ATP8A2: variants seen among roughly 807,000 people sequenced by gnomAD.
ATP8A2 encodes the protein phospholipid-transporting ATPase IB.
In ATP8A2, 100 loss-of-function variants were observed where a neutral mutation model predicts 165.6. The ratio of observed to expected loss-of-function variants is 0.60; its 90% CI spans 0.51 to 0.71. The LOEUF is 0.71. Ranked by LOEUF, ATP8A2 falls within the 30% of genes least tolerant of loss-of-function variation. The probability of loss-of-function intolerance (pLI) is 0.00; values close to 1 mark genes in which losing one functional copy is unlikely to be tolerated. For synonymous variants in ATP8A2, 543 were observed against 548.8 expected (o/e 0.99, Z 0.15); for missense variants, 1,227 against 1,479.5 (o/e 0.83, Z 2.80).
At chr13:26,009,347 C>T (rs776752958) in intron 35 of ATP8A2, among the ~76,000 whole-genome samples, 2 of 152,176 alleles carry the variant, frequency 1.3e-5, no homozygotes, top group African/African-American at 4.8e-5. Flanking sequence ...AGTAAGGCAG[C>T]GTGGGAAAGA....
chr13:25,664,915 ATAT>A (rs1376201077), intron 24 of ATP8A2, among the ~76,000 whole-genome samples: 1 of 149,808 alleles, frequency 6.7e-6, no homozygotes, highest in Non-Finnish European at 1.5e-5. Context: ...ACAAAATGAA[ATAT>A]TGCAAATAGT....
chr13:25,527,976 C>A (rs932756460), intron 2 of ATP8A2, among the ~76,000 whole-genome samples: 14 of 152,246 alleles, frequency 9.2e-5, no homozygotes, highest in African/African-American at 3.4e-4. Flanking sequence ...TTTTTGCTGA[C>A]AAATGTTGAT....
chr13:25,541,003 A>G (rs2137988362), intron 8 of ATP8A2, among the ~76,000 whole-genome samples: 1 of 151,948 alleles, frequency 6.6e-6, no homozygotes, highest in Admixed American at 6.5e-5. Flanking sequence ...CTGGGACTAC[A>G]GGTGCATGCT....
At chr13:25,411,527 ATTG>A (rs747677461) in intron 1 of ATP8A2, among the ~76,000 whole-genome samples, 2 of 152,178 alleles carry the variant, frequency 1.3e-5, no homozygotes, top group Non-Finnish European at 2.9e-5. Context: ...AATGTTTTAT[ATTG>A]TTGTTAGGAG....
chr13:25,571,325 G>C (rs2039461721), intron 17 of ATP8A2, among the ~76,000 whole-genome samples: 1 of 152,146 alleles, frequency 6.6e-6, no homozygotes, highest in Non-Finnish European at 1.5e-5. Flanking sequence ...GGACTATTAG[G>C]TTCATTGGAG....
At chr13:25,668,474 T>C (rs2042200211) in intron 24 of ATP8A2, among the ~76,000 whole-genome samples, 1 of 152,204 alleles carries the variant, frequency 6.6e-6, no homozygotes, top group Non-Finnish European at 1.5e-5. Flanking sequence ...TATTGGCTTT[T>C]GATGGTTTGA....
At chr13:25,685,474 A>C (rs1007073592) in intron 24 of ATP8A2, among the ~76,000 whole-genome samples, 13 of 152,252 alleles carry the variant, frequency 8.5e-5, no homozygotes, top group African/African-American at 3.1e-4. Flanking sequence ...AGTGAGCAAA[A>C]TGTGTCAGTA....
chr13:25,804,193 A>G (rs1950679951), intron 27 of ATP8A2, among the ~76,000 whole-genome samples: 1 of 152,130 alleles, frequency 6.6e-6, no homozygotes, highest in African/African-American at 2.4e-5. Flanking sequence ...CTTAATTAAT[A>G]GTCATTTTCT....
chr13:25,599,033 A>AT (rs546770126), intron 24 of ATP8A2, among the ~76,000 whole-genome samples: 18,315 of 148,578 alleles, frequency 0.12, 1,386 homozygotes, highest in Non-Finnish European at 0.19. Context: ...AGCCCTGGGA[A>AT]TTTTTTTTTT....
At chr13:25,443,288 T>C (rs1188172339) in intron 1 of ATP8A2, among the ~76,000 whole-genome samples, 3 of 152,234 alleles carry the variant, frequency 2.0e-5, no homozygotes, top group Non-Finnish European at 2.9e-5. Flanking sequence ...GAATTTTCTA[T>C]TTACTTTAAC....
chr13:25,717,113 G>A (rs992153502), intron 25 of ATP8A2, among the ~76,000 whole-genome samples: 1 of 152,138 alleles, frequency 6.6e-6, no homozygotes, highest in Non-Finnish European at 1.5e-5. Context: ...CCACCTGCTG[G>A]CAGCATTGCC....
intron 1 of ATP8A2, among the ~76,000 whole-genome samples, chr13:25,396,958 C>T (rs1359573391): frequency 6.6e-6 from 1 of 152,158 alleles, no homozygotes; most frequent in African/African-American, 2.4e-5. Flanking sequence ...GGGCCCATGG[C>T]GGACCAGTCC....
intron 33 of ATP8A2, among the ~76,000 whole-genome samples, chr13:25,921,494 G>T (rs966394353): frequency 1.3e-5 from 2 of 151,602 alleles, no homozygotes; most frequent in Non-Finnish European, 2.9e-5. Flanking sequence ...GTGGTGGCGG[G>T]CACCTGTAGT....
At chr13:25,400,969 G>A (rs1439864505) in intron 1 of ATP8A2, among the ~76,000 whole-genome samples, 2 of 152,176 alleles carry the variant, frequency 1.3e-5, no homozygotes, top group Non-Finnish European at 2.9e-5. Flanking sequence ...TTCTGTGACT[G>A]CCCACTTAAC....
At chr13:25,592,031 T>G (rs2040097035) in intron 24 of ATP8A2, among the ~76,000 whole-genome samples, 1 of 151,678 alleles carries the variant, frequency 6.6e-6, no homozygotes, top group Non-Finnish European at 1.5e-5. Context: ...AACACTGGTT[T>G]TTTTTTTTTT....
At chr13:25,646,916 G>A (rs1187602089) in intron 24 of ATP8A2, among the ~76,000 whole-genome samples, 1 of 151,906 alleles carries the variant, frequency 6.6e-6, no homozygotes, top group Non-Finnish European at 1.5e-5. Flanking sequence ...TTGCTTTGTA[G>A]TTACTATAAG....
intron 1 of ATP8A2, among the ~76,000 whole-genome samples, chr13:25,460,807 C>G (rs568440768): frequency 6.6e-6 from 1 of 152,300 alleles, no homozygotes; most frequent in South Asian, 2.1e-4. Flanking sequence ...TCTGCACAGC[C>G]AAATCATAAT....
intron 6 of ATP8A2, among the ~76,000 whole-genome samples, chr13:25,533,927 G>T (rs2038196434): frequency 1.3e-5 from 2 of 152,042 alleles, no homozygotes; most frequent in Admixed American, 1.3e-4. Flanking sequence ...GAGTGTTTTA[G>T]CTGGACCTTC....
Position 26,017,386 on chromosome 13 carries a change from C to A in ATP8A2, c.3470-2502C>A, listed in dbSNP as rs556686890. ...TACATAGCCTTGTTACTGGAGCAGACGAAGCAGTGTTATTTGCTAGATTTT... is the reference window on the plus strand; with the variant it reads ...TACATAGCCTTGTTACTGGAGCAGAAGAAGCAGTGTTATTTGCTAGATTTT... On this transcript the variant is annotated intron_variant, in intron 36 of 36. Transcript: ENST00000381655. 9.2e-5 allele frequency among the ~76,000 whole-genome samples: 14 copies of A among 152,314 alleles called. No individual in the cohort carries two copies. The East Asian group carries it at 1.2e-3, about 13-fold the overall frequency.
Sources: gnomAD v4.1 joint callset for allele counts (sites outside exome capture counted in the v4.1 genomes callset) on GRCh38, gnomAD v4.1.1 for gene constraint, MANE v1.5 for transcripts, NCBI Gene and HGNC (gene_info 2026-07-23, HGNC 2026-07-21) for gene names.